Variants in CATSPER3 observed in about 807,000 individuals in gnomAD.
CATSPER3 encodes cation channel sperm-associated protein 3.
CATSPER3 carries 23 observed loss-of-function variants against 36.6 expected under a neutral mutation model. That is an observed-to-expected ratio of 0.63 (90% CI 0.45 to 0.89). CATSPER3 has a LOEUF of 0.89. CATSPER3 is among the 40% of genes least tolerant of loss of function. The pLI is 0.00. For missense variants in CATSPER3, 474 were observed against 503.9 expected, an observed-to-expected ratio of 0.94 and a Z score of 0.57; for synonymous variants, 172 against 184.1, an observed-to-expected ratio of 0.93 and a Z score of 0.53.
Position 135,011,535 on chromosome 5 carries a change from A to G in CATSPER3, c.1109A>G (p.Tyr370Cys), listed in dbSNP as rs1320774467. Residue 370 changes from tyrosine (Y) to cysteine (C), a missense_variant, in exon 8 of 8, where the codon TAC (tyrosine) becomes TGC (cysteine). Physicochemically the swap from Tyr to Cys is radical, Grantham distance 194. Coordinates refer to ENST00000282611, the MANE Select transcript of CATSPER3 (RefSeq NM_178019.3). ...DTTVHKLQEL[Y>C]YEIVHVLSLM... is the part of the protein sequence containing the mutation. ...CCATTTTTCAGGCTTCAAGAGCTGTACTATGAGATCGTGCATGTGCTGAGC... is the reference window on the plus strand; with the variant it reads ...CCATTTTTCAGGCTTCAAGAGCTGTGCTATGAGATCGTGCATGTGCTGAGC... The G allele has an allele frequency of 6.2e-7, 1 of 1,613,640 alleles. No homozygotes were observed. The highest frequency in any genetic ancestry group is 2.2e-5 in the East Asian group (1 of 44,886).
At chr5:135,003,641 C>T (rs1752048934) in intron 3 of CATSPER3, among the ~76,000 whole-genome samples, 1 of 152,254 alleles carries the variant, frequency 6.6e-6, no homozygotes, top group Non-Finnish European at 1.5e-5. Flanking sequence ...CCTACTCAAG[C>T]CTCAGCAATG....
intron 2 of CATSPER3, among the ~76,000 whole-genome samples, chr5:134,971,935 C>T (rs544592620): frequency 6.6e-6 from 1 of 152,184 alleles, no homozygotes; most frequent in African/African-American, 2.4e-5. Flanking sequence ...TAGAACCACA[C>T]CATCTTCTAA....
At position 135,008,393 on chromosome 5, in the gene CATSPER3, C is replaced by G. The variant is rs149805701; in HGVS notation, c.675+254C>G. On this transcript the variant is annotated intron_variant, in intron 4 of 7. Transcript: ENST00000282611. ...CAGGGTGATCAAACTTTGCAGAGTC[C>G]TCAAATGATAATTCATTTGGATTAA... Among the ~76,000 whole-genome samples the G allele has an allele frequency of 8.5e-5, 13 of 152,272 alleles. No individual in the cohort carries two copies. In the East Asian group the frequency reaches 2.5e-3, roughly 29 times the overall value.
At chr5:135,008,810 G>A (rs1382435137) in intron 4 of CATSPER3, 31 bp from the exon 5 acceptor site, 3 of 1,610,578 alleles carry the variant, frequency 1.9e-6, no homozygotes, top group Non-Finnish European at 2.5e-6. Context: ...CTGGGTCTGG[G>A]CCCTCAGCAT....
Position 134,968,075 on chromosome 5 carries a change from A to G in CATSPER3, c.84A>G (p.Thr28=). 1 of 1,609,660 alleles carries G rather than the reference A, an allele frequency of 6.2e-7. No homozygotes were observed. Among genetic ancestry groups the G allele is most frequent in the Non-Finnish European group, 8.5e-7 (1 of 1,175,950 alleles). Residue 28 remains threonine (T), a synonymous_variant, in exon 1 of 8, where the codon ACA becomes ACG. Coordinates refer to ENST00000282611, the MANE Select transcript of CATSPER3 (RefSeq NM_178019.3). ...VDTTSVGFCP[T]FKKFKRNDDE... is the part of the protein sequence containing the mutation. ...CTACATCGGTGGGATTTTGCCCAAC[A>G]TTCAAGAAATTTAAGTAAATATTAT...
chr5:134,988,900 A>T (rs1354553888), intron 2 of CATSPER3, among the ~76,000 whole-genome samples: 4 of 152,132 alleles, frequency 2.6e-5, no homozygotes, highest in Admixed American at 2.6e-4. Flanking sequence ...CCGAAGAATC[A>T]CTATGTCAGC....
At chr5:134,974,557 A>G (rs1292392056) in intron 2 of CATSPER3, among the ~76,000 whole-genome samples, 5 of 152,178 alleles carry the variant, frequency 3.3e-5, no homozygotes, top group African/African-American at 1.2e-4. Context: ...GAAATAATTT[A>G]TTACACTATA....
intron 2 of CATSPER3, among the ~76,000 whole-genome samples, chr5:134,993,292 C>T (rs1009111933): frequency 1.3e-5 from 2 of 152,066 alleles, no homozygotes; most frequent in Admixed American, 1.3e-4. Flanking sequence ...TAGAGATTAC[C>T]TAGGGTTGCG....
chr5:134,973,102 G>A (rs939519799), intron 2 of CATSPER3, among the ~76,000 whole-genome samples: 2 of 152,150 alleles, frequency 1.3e-5, no homozygotes, highest in Non-Finnish European at 2.9e-5. Flanking sequence ...GGGGAATATT[G>A]TTTCCAAGAG....
chr5:135,005,889 G>A (rs191366955), intron 3 of CATSPER3, among the ~76,000 whole-genome samples: 1 of 152,326 alleles, frequency 6.6e-6, no homozygotes, highest in East Asian at 1.9e-4. Context: ...CCAATGGGCT[G>A]TGTAGGAGGG....
At chr5:134,969,854 C>T in intron 1 of CATSPER3, 85 bp from the exon 2 acceptor site, 1 of 1,369,298 alleles carries the variant, frequency 7.3e-7, no homozygotes, top group Admixed American at 1.7e-5. Flanking sequence ...GAAAGCAGAG[C>T]CTTGTCCCTA....
intron 2 of CATSPER3, among the ~76,000 whole-genome samples, chr5:134,991,004 A>G (rs13358048): frequency 0.054 from 8,187 of 152,280 alleles, 528 homozygotes; most frequent in African/African-American, 0.15. Flanking sequence ...TGCACTATCA[A>G]TTAACAATCT....
intron 3 of CATSPER3, among the ~76,000 whole-genome samples, chr5:135,004,095 C>T (rs1030209692): frequency 6.6e-6 from 1 of 152,230 alleles, no homozygotes; most frequent in East Asian, 1.9e-4. Flanking sequence ...ATCATCTCCT[C>T]CAGTATTTCG....
intron 3 of CATSPER3, among the ~76,000 whole-genome samples, chr5:135,004,708 C>T (rs1471934726): frequency 2.6e-5 from 4 of 152,112 alleles, no homozygotes; most frequent in Admixed American, 2.0e-4. Context: ...CCCAGGCTGA[C>T]AGCAGGGTTG....
chr5:134,979,583 A>G (rs1333703059), intron 2 of CATSPER3, among the ~76,000 whole-genome samples: 1 of 152,226 alleles, frequency 6.6e-6, no homozygotes, highest in Non-Finnish European at 1.5e-5. Context: ...ATTAAAAGGC[A>G]TGTGAACAGT....
chr5:134,996,532 C>T lies in CATSPER3; in HGVS notation c.492+20C>T. On this transcript the variant is annotated intron_variant, in intron 3 of 7. Transcript: ENST00000282611. ...ATCCGGGTGAGTGCACTGGGGGTGT[C>T]ATGGTGCTGGGAGGGCAGGCCGTAG... is the stretch of plus-strand genomic sequence containing the variant. 6.2e-7 allele frequency: 1 copy of T among 1,612,976 alleles called. No homozygotes were observed. The highest frequency in any genetic ancestry group is 1.1e-5 in the South Asian group (1 of 91,002).
In CATSPER3 at chr5:134,984,588, A is replaced by T. The variant is rs1321082508; in HGVS notation, c.253-11685A>T. On this transcript the variant is annotated intron_variant, in intron 2 of 7. Coordinates refer to ENST00000282611, the MANE Select transcript of CATSPER3 (RefSeq NM_178019.3). ...AATGACATACCACCTTACCCCAGCC[A>T]GAATAGCCATTATTAAGAAGTCAAA... Among the ~76,000 whole-genome samples, 4 of 152,242 alleles carry T rather than the reference A, an allele frequency of 2.6e-5. No homozygotes were observed. The East Asian group carries it at 7.7e-4, about 29-fold the overall frequency.
In CATSPER3 at chr5:134,969,962, C is replaced by T; in HGVS notation, c.122C>T (p.Ala41Val). The T allele has an allele frequency of 6.2e-7, 1 of 1,613,974 alleles. No individual in the cohort carries two copies. The highest frequency in any genetic ancestry group is 1.6e-4 in the Middle Eastern group (1 of 6,062). ...AGGAGGAACGATGATGAATGTCGGG[C>T]ATTTGTGAAGAGAGTCATAATGAGC... ...KFKRNDDECRAFVKRVIMSRF... is the reference protein window; with the variant it reads ...KFKRNDDECRVFVKRVIMSRF... Residue 41 changes from alanine (A) to valine (V), a missense_variant, in exon 2 of 8, where the codon GCA becomes GTA. Coordinates refer to ENST00000282611, the MANE Select transcript of CATSPER3 (RefSeq NM_178019.3).
At chr5:134,992,929 G>T (rs1043456804) in intron 2 of CATSPER3, among the ~76,000 whole-genome samples, 2 of 152,178 alleles carry the variant, frequency 1.3e-5, no homozygotes, top group Non-Finnish European at 2.9e-5. Flanking sequence ...GTAAAGTGGG[G>T]ACTCAAACAG....
Sources: allele counts gnomAD v4.1 joint callset (sites outside exome capture counted in the v4.1 genomes callset), GRCh38; gene constraint gnomAD v4.1.1; transcripts MANE v1.5; gene names NCBI Gene and HGNC (gene_info 2026-07-23, HGNC 2026-07-21).